NCAM2: variants seen among roughly 807,000 people sequenced by gnomAD.
The protein encoded by NCAM2 is N-CAM-2.
NCAM2 carries 30 observed loss-of-function variants against 98.1 expected under a neutral mutation model. The observed-to-expected ratio is 0.31, with a 90% CI of 0.23 to 0.41. NCAM2 has a LOEUF of 0.41. Among genes scored for constraint, NCAM2 ranks in the 10% least tolerant of loss-of-function variants. The pLI, the probability that NCAM2 is intolerant of heterozygous loss-of-function variation, is 1.00. For synonymous variants in NCAM2, 368 were observed against 342.4 expected (o/e 1.07, Z -0.83); for missense variants, 867 against 1,005.8 (o/e 0.86, Z 1.87).
chr21:21,237,716 C>T (rs1016455277), intron 1 of NCAM2, among the ~76,000 whole-genome samples: 14 of 151,490 alleles, frequency 9.2e-5, no homozygotes, highest in African/African-American at 3.4e-4. Flanking sequence ...ATTCATTTTC[C>T]CATAGCTATA....
chr21:21,511,273 C>T (rs1319087028), intron 16 of NCAM2, among the ~76,000 whole-genome samples: 2 of 151,938 alleles, frequency 1.3e-5, no homozygotes, highest in South Asian at 2.1e-4. Flanking sequence ...ATCCCCCATT[C>T]CCCCTTCCTT....
chr21:21,409,619 A>G (rs2145909609), intron 9 of NCAM2, among the ~76,000 whole-genome samples: 1 of 152,284 alleles, frequency 6.6e-6, no homozygotes, highest in East Asian at 1.9e-4. Flanking sequence ...TTGTTCCAGA[A>G]ATAGTTTCTA....
chr21:21,371,570 G>A (rs1413546728), intron 8 of NCAM2, among the ~76,000 whole-genome samples: 1 of 151,538 alleles, frequency 6.6e-6, no homozygotes. Context: ...TCTTTCTTAT[G>A]TCCTCTTAGG....
intron 14 of NCAM2, among the ~76,000 whole-genome samples, chr21:21,473,638 A>G (rs1173175539): frequency 6.6e-6 from 1 of 151,766 alleles, no homozygotes; most frequent in South Asian, 2.1e-4. Flanking sequence ...TTGTCCTCTC[A>G]TTTTATAATT....
chr21:21,422,400 A>G (rs1452331864), intron 11 of NCAM2, among the ~76,000 whole-genome samples: 3 of 152,186 alleles, frequency 2.0e-5, no homozygotes, highest in Non-Finnish European at 4.4e-5. Flanking sequence ...AAACTTTGCT[A>G]GTACATAATA....
intron 1 of NCAM2, among the ~76,000 whole-genome samples, chr21:21,126,749 A>G (rs2066834300): frequency 6.6e-6 from 1 of 152,094 alleles, no homozygotes; most frequent in African/African-American, 2.4e-5. Context: ...ATCAAATAAA[A>G]TATCAGTGTG....
At position 21,455,067 on chromosome 21, in the gene NCAM2, A is replaced by G. The variant is rs1359983356; in HGVS notation, c.1655-11539A>G. Among the ~76,000 whole-genome samples, 8 of 151,908 alleles carry G rather than the reference A, an allele frequency of 5.3e-5. No homozygotes were observed. The East Asian group carries it at 1.5e-3, about 29-fold the overall frequency. The stretch of plus-strand genomic sequence containing the variant: ...TGCATTTTATTAAGCTTTACCAAAT[A>G]CAAATGAATTTCATAAGGGAAGATT... On this transcript the variant is annotated intron_variant, in intron 12 of 17. Coordinates refer to ENST00000400546, the MANE Select transcript of NCAM2 (RefSeq NM_004540.5).
At chr21:21,165,430 ACT>A (rs1187408244) in intron 1 of NCAM2, among the ~76,000 whole-genome samples, 1 of 152,162 alleles carries the variant, frequency 6.6e-6, no homozygotes, top group Non-Finnish European at 1.5e-5. Context: ...GGTTTATCCA[ACT>A]GCTACTCTGA....
At chr21:21,244,869 A>T (rs1379252984) in intron 1 of NCAM2, among the ~76,000 whole-genome samples, 2 of 145,918 alleles carry the variant, frequency 1.4e-5, no homozygotes, top group East Asian at 2.0e-4. Flanking sequence ...AAAAAAGGAC[A>T]TACGGTATTA....
At chr21:21,072,032 C>T (rs1279067185) in intron 1 of NCAM2, among the ~76,000 whole-genome samples, 1 of 147,634 alleles carries the variant, frequency 6.8e-6, no homozygotes, top group Non-Finnish European at 1.5e-5. Flanking sequence ...CCTGCCTCAG[C>T]CTCCCGAGTA....
At chr21:21,073,813 C>A (rs1568993566) in intron 1 of NCAM2, among the ~76,000 whole-genome samples, 1 of 152,154 alleles carries the variant, frequency 6.6e-6, no homozygotes, top group African/African-American at 2.4e-5. Flanking sequence ...CATAACATGA[C>A]AAGAAATTCT....
intron 1 of NCAM2, among the ~76,000 whole-genome samples, chr21:21,219,633 A>G (rs560092883): frequency 1.2e-4 from 18 of 152,234 alleles, no homozygotes; most frequent in Non-Finnish European, 2.4e-4. Context: ...TTGATGATCA[A>G]TGTCTTTGTT....
At chr21:21,423,227 C>T (rs1285307118) in intron 11 of NCAM2, among the ~76,000 whole-genome samples, 1 of 152,102 alleles carries the variant, frequency 6.6e-6, no homozygotes, top group Admixed American at 6.6e-5. Context: ...TGTTAGCTGT[C>T]ATCAGGTAGT....
intron 9 of NCAM2, among the ~76,000 whole-genome samples, chr21:21,399,135 C>T (rs2076576783): frequency 6.6e-6 from 1 of 152,150 alleles, no homozygotes; most frequent in Non-Finnish European, 1.5e-5. Flanking sequence ...AGTCACAATG[C>T]TTCCATAAAT....
intron 5 of NCAM2, among the ~76,000 whole-genome samples, chr21:21,294,239 G>T (rs545143770): frequency 8.6e-5 from 13 of 151,360 alleles, no homozygotes; most frequent in South Asian, 4.2e-4. Flanking sequence ...TCATTTTAAA[G>T]AAATGATTAT....
Position 21,130,911 on chromosome 21 carries a change from A to G in NCAM2, c.55+132293A>G, listed in dbSNP as rs1220512894. On this transcript the variant is annotated intron_variant, in intron 1 of 17. Transcript: ENST00000400546. ...TGGCCAAGCAAAAACAATGATATTT[A>G]GTTTAACTGAATGTTTCAGGTATAA... Among the ~76,000 whole-genome samples the G allele has an allele frequency of 2.0e-5, 3 of 152,332 alleles. No individual in the cohort carries two copies. The East Asian group carries it at 5.8e-4, about 29-fold the overall frequency.
intron 1 of NCAM2, among the ~76,000 whole-genome samples, chr21:21,028,846 G>A (rs1276235514): frequency 1.3e-5 from 2 of 152,150 alleles, no homozygotes; most frequent in African/African-American, 4.8e-5. Flanking sequence ...CAAAACAAGT[G>A]TATTTGGGGT....
chr21:21,427,189 A>T (rs1429528770), intron 11 of NCAM2, among the ~76,000 whole-genome samples: 1 of 152,092 alleles, frequency 6.6e-6, no homozygotes, highest in Non-Finnish European at 1.5e-5. Context: ...GAACAAAAGA[A>T]GAGTATGTTT....
At chr21:21,172,941 G>A (rs2068170290) in intron 1 of NCAM2, among the ~76,000 whole-genome samples, 1 of 151,934 alleles carries the variant, frequency 6.6e-6, no homozygotes, top group African/African-American at 2.4e-5. Context: ...TTTCCTGTTT[G>A]ATCTTTTACT....
Sources: allele counts gnomAD v4.1 joint callset (sites outside exome capture counted in the v4.1 genomes callset), GRCh38; gene constraint gnomAD v4.1.1; transcripts MANE v1.5; gene names NCBI Gene and HGNC (gene_info 2026-07-23, HGNC 2026-07-21).